Variants in PLET1 observed in about 807,000 individuals in gnomAD.
PLET1 encodes placenta-expressed transcript 1 protein.
In PLET1, 20 loss-of-function variants were observed where a neutral mutation model predicts 18.5. The ratio of observed to expected loss-of-function variants is 1.08; its 90% confidence interval spans 0.76 to 1.57. The LOEUF (loss-of-function observed/expected upper bound fraction) is 1.57. Among genes scored for constraint, PLET1 ranks in the 40% most tolerant of loss-of-function variants. The pLI is 0.00. For synonymous variants in PLET1, 93 were observed against 93.8 expected (o/e 0.99, Z 0.05); for missense variants, 256 against 246.4 (o/e 1.04, Z -0.26).
rs563027932 is a variant in PLET1 at position 112,259,288 on chromosome 11, G to C, written c.184+1118C>G. On this transcript the variant is annotated intron_variant, in intron 1 of 3. Coordinates refer to ENST00000338832, the MANE Select transcript of PLET1 (RefSeq NM_001145024.1). ...TTCATATCTTACCTTCACCATTTAA[G>C]TAGCTCCGGGACCTGAGCAAGAGTC... Among the ~76,000 whole-genome samples the C allele has an allele frequency of 5.3e-5, 8 of 152,268 alleles. No individual in the cohort carries two copies. The East Asian group carries it at 1.5e-3, about 29-fold the overall frequency.
rs765076425 is a variant in PLET1 at position 112,260,569 on chromosome 11, C to T, written c.21G>A (p.Met7Ile). MAVFHD[M>I]LLQPLGMFLC... ...GAAACATCCCCAGTGGCTGCAGCAG[C>T]ATGTCATGGAAGACTGCCATGGTCT... The change falls in exon 1 of 4, where the codon ATG (methionine) becomes ATA (isoleucine). Residue 7 changes from methionine to isoleucine, a missense_variant. Physicochemically the swap from Met to Ile is conservative, Grantham distance 10. Transcript: ENST00000338832. 1.6e-5 allele frequency: 25 copies of T among 1,551,212 alleles called. No individual in the cohort carries two copies. The highest frequency in any genetic ancestry group is 1.9e-5 in the Non-Finnish European group (22 of 1,146,866).
Position 112,252,539 on chromosome 11 carries a change from G to T in PLET1, c.387-130C>A, listed in dbSNP as rs1860167009. ...TACTTTCTGTATGGCACAATGAGCA[G>T]ATCATTAAATACTGGTCTGCTTTTG... On this transcript the variant is annotated intron_variant, in intron 2 of 3. Transcript: ENST00000338832. The T allele has an allele frequency of 3.9e-6, 3 of 765,978 alleles. No individual in the cohort carries two copies. The East Asian group carries it at 8.1e-5, about 21-fold the overall frequency. The allele number at this position is 765,978 out of a possible 1,614,324, so 47.4% of individuals were successfully genotyped here. A position where few individuals can be genotyped will look rare whatever the true frequency, so the allele number is the denominator to read the frequency against.
At chr11:112,253,626 G>A (rs1429871372) in intron 2 of PLET1, among the ~76,000 whole-genome samples, 1 of 152,186 alleles carries the variant, frequency 6.6e-6, no homozygotes, top group African/African-American at 2.4e-5. Context: ...TGCCCTAATT[G>A]GCCTTGGCTA....
rs1394049507 is a variant in PLET1, at chr11:112,260,450, A to T, written c.140T>A (p.Ile47Asn). The change falls in exon 1 of 4, where the codon ATC becomes AAC. Residue 47 changes from isoleucine to asparagine, a missense_variant. By Grantham distance (149) the Ile-to-Asn change is moderately radical. Transcript: ENST00000338832. ...TTCGTAGATATGTGAACTGGCCTTG[A>T]TGTCTAGGGTTATGGTGTAGTATTC... ...FDEYYTITLD[I>N]KASSHIYESN... 8 of 1,551,872 alleles carry T rather than the reference A, an allele frequency of 5.2e-6. No homozygotes were observed. The South Asian group carries it at 8.3e-5, about 16-fold the overall frequency.
chr11:112,250,425 C>T (rs1031274529), intron 3 of PLET1, among the ~76,000 whole-genome samples: 1 of 151,964 alleles, frequency 6.6e-6, no homozygotes, highest in South Asian at 2.1e-4. Context: ...ACTCCTGTAA[C>T]AGCGGAAAGT....
intron 1 of PLET1, among the ~76,000 whole-genome samples, chr11:112,256,487 C>T (rs2135418676): frequency 6.6e-6 from 1 of 152,272 alleles, no homozygotes; most frequent in East Asian, 1.9e-4. Context: ...CCTTATTGTT[C>T]ATCATTCACT....
Position 112,248,722 on chromosome 11 carries a change from C to A in PLET1, c.*77G>T. Reference sequence around the variant, plus strand: ...TGTAAAGCCTTCATTTACACACATTCGGTTCCCAGCACTAGCTTGGAACTG... The same window carrying A: ...TGTAAAGCCTTCATTTACACACATTAGGTTCCCAGCACTAGCTTGGAACTG... On this transcript the variant is annotated 3_prime_UTR_variant, in exon 4 of 4. Transcript: ENST00000338832. 2 of 1,451,958 alleles carry A rather than the reference C, an allele frequency of 1.4e-6. No homozygotes were observed. The highest frequency in any genetic ancestry group is 1.9e-6 in the Non-Finnish European group (2 of 1,073,350). 89.9% of individuals were successfully genotyped at this position (1,451,958 alleles called of 1,614,324 possible). A position where few individuals can be genotyped will look rare whatever the true frequency, so the allele number is the denominator to read the frequency against.
At chr11:112,252,307 G>T in intron 3 of PLET1, 41 bp downstream of exon 3, 1 of 1,512,778 alleles carries the variant, frequency 6.6e-7, no homozygotes, top group South Asian at 1.2e-5. Context: ...GGCTGACTGA[G>T]TTCATTGCAA....
intron 2 of PLET1, among the ~76,000 whole-genome samples, chr11:112,254,755 G>C (rs1454895139): frequency 2.1e-5 from 2 of 97,454 alleles, no homozygotes; most frequent in Admixed American, 1.2e-4. Flanking sequence ...TGTGTGTGTG[G>C]TGTGTGTGCT....
intron 3 of PLET1, among the ~76,000 whole-genome samples, chr11:112,250,497 G>A (rs1292633694): frequency 6.6e-6 from 1 of 151,964 alleles, no homozygotes; most frequent in African/African-American, 2.4e-5. Context: ...ACGCTTTGAT[G>A]GACTTACACA....
intron 2 of PLET1, among the ~76,000 whole-genome samples, chr11:112,254,903 G>T (rs1860203700): frequency 7.3e-6 from 1 of 137,234 alleles, no homozygotes; most frequent in South Asian, 2.3e-4. Context: ...TGGTGTATGT[G>T]GTGTGTGTGG....
At chr11:112,252,966 C>T (rs1471121078) in intron 2 of PLET1, among the ~76,000 whole-genome samples, 2 of 152,138 alleles carry the variant, frequency 1.3e-5, no homozygotes, top group African/African-American at 4.8e-5. Flanking sequence ...CTTGTTCATA[C>T]ATGTGTTAGA....
At chr11:112,252,198 T>C (rs1435638211) in intron 3 of PLET1, 150 bp downstream of exon 3, 20 of 738,654 alleles carry the variant, frequency 2.7e-5, no homozygotes, top group Non-Finnish European at 4.4e-5. Context: ...GCAAATATTC[T>C]ATAGGTCTCA....
At chr11:112,254,847 GTGTGTGTGTGGTA>G (rs1229260937) in intron 2 of PLET1, among the ~76,000 whole-genome samples, 7 of 135,400 alleles carry the variant, frequency 5.2e-5, no homozygotes, top group South Asian at 2.5e-4. Context: ...GTTGTGTGTG[GTGTGTGTGTGGTA>G]TGTGTGTGTG....
At chr11:112,254,199 G>GTGTGTGTT (rs1184537914) in intron 2 of PLET1, among the ~76,000 whole-genome samples, 2,715 of 150,796 alleles carry the variant, frequency 0.018, 78 homozygotes, top group African/African-American at 0.062. Flanking sequence ...TGGTGTGTGT[G>GTGTGTGTT]TGTGTGTGTG....
At chr11:112,260,183 G>T in intron 1 of PLET1, 1 of 493,080 alleles carries the variant, frequency 2.0e-6, no homozygotes. Context: ...TGGGGTTGGG[G>T]CTTTCTCGCT....
rs775843275 is a variant in PLET1, at chr11:112,252,451, A to C, written c.387-42T>G. On this transcript the variant is annotated intron_variant, in intron 2 of 3. Coordinates refer to ENST00000338832, the MANE Select transcript of PLET1 (RefSeq NM_001145024.1). ...AATGAGAGATAATGCTGAGGACCTC[A>C]TGCGGAATTCACAAGTTCAGCTCAC... 36 of 1,515,848 alleles carry C rather than the reference A, an allele frequency of 2.4e-5. No individual in the cohort carries two copies. The African/African-American group carries it at 4.3e-4, about 18-fold the overall frequency. 93.9% of individuals were successfully genotyped at this position (1,515,848 alleles called of 1,614,324 possible). A position where few individuals can be genotyped will look rare whatever the true frequency, so the allele number is the denominator to read the frequency against.
intron 3 of PLET1, 63 bp from the exon 4 acceptor site, chr11:112,249,037 G>A (rs1388344672): frequency 2.1e-6 from 3 of 1,446,988 alleles, no homozygotes; most frequent in Non-Finnish European, 2.8e-6. Flanking sequence ...CCGTTGGGTG[G>A]TGGGTGGGCA....
intron 3 of PLET1, among the ~76,000 whole-genome samples, chr11:112,250,649 G>A (rs1308812308): frequency 6.6e-6 from 1 of 152,140 alleles, no homozygotes; most frequent in African/African-American, 2.4e-5. Flanking sequence ...AAGACAGTGT[G>A]TTCCTCCACC....
Sources: gnomAD v4.1 joint callset for allele counts (sites outside exome capture counted in the v4.1 genomes callset) on GRCh38, gnomAD v4.1.1 for gene constraint, MANE v1.5 for transcripts, NCBI Gene and HGNC (gene_info 2026-07-23, HGNC 2026-07-21) for gene names.